Variants in FBLN5 observed in about 807,000 individuals in gnomAD.
FBLN5 encodes the protein fibulin 5.
Under a neutral mutation model 61.6 loss-of-function variants are expected in FBLN5, and 24 were observed. That is an observed-to-expected ratio of 0.39 (90% CI 0.28 to 0.55). The LOEUF (loss-of-function observed/expected upper bound fraction) is 0.55. FBLN5 is among the 20% of genes least tolerant of loss of function. FBLN5 has a pLI of 0.65. For missense variants in FBLN5, 470 were observed against 594.1 expected (o/e 0.79, Z 2.17); for synonymous variants, 213 against 219.8 (o/e 0.97, Z 0.27).
chr14:91,929,080 AACACACAC>A (rs113397883), intron 4 of FBLN5, among the ~76,000 whole-genome samples: 45,192 of 143,140 alleles, frequency 0.32, 7,272 homozygotes, highest in Middle Eastern at 0.46. Flanking sequence ...CCTGTCTCAA[AACACACAC>A]ACACACACAC....
rs751344551 is a variant in FBLN5, at chr14:91,947,306, G to C, written c.-77C>G. 116 of 1,566,542 alleles carry C rather than the reference G, an allele frequency of 7.4e-5. No individual in the cohort carries two copies. Among genetic ancestry groups the C allele is most frequent in the Non-Finnish European group, 9.8e-5 (111 of 1,137,730 alleles). On this transcript the variant is annotated 5_prime_UTR_variant, in exon 1 of 11. Coordinates refer to ENST00000342058, the MANE Select transcript of FBLN5 (RefSeq NM_006329.4). This position sits in a 1 kb window ranked among gnomAD's most constrained non-coding sequence, Gnocchi z 4.3. ...GGGACCCCCGGAGGAGCTCGGGCAC[G>C]TCGGCCTCCTCTGGGCCCTCGGGGC... is the stretch of plus-strand genomic sequence containing the variant.
At chr14:91,896,775 G>A (rs1890244121) in intron 4 of FBLN5, among the ~76,000 whole-genome samples, 1 of 152,136 alleles carries the variant, frequency 6.6e-6, no homozygotes, top group Non-Finnish European at 1.5e-5. Context: ...GCTTTTTACT[G>A]ACCCCACTCC....
At chr14:91,897,383 C>T (rs569479120) in intron 4 of FBLN5, among the ~76,000 whole-genome samples, 13 of 152,266 alleles carry the variant, frequency 8.5e-5, no homozygotes, top group Non-Finnish European at 1.8e-4. Context: ...TCGGCTGGTG[C>T]GTATTTACAT....
chr14:91,884,395 T>C (rs1566803114), intron 7 of FBLN5, among the ~76,000 whole-genome samples: 1 of 152,182 alleles, frequency 6.6e-6, no homozygotes, highest in Non-Finnish European at 1.5e-5. Context: ...ATTTCCAAGT[T>C]TGTAGATTCC....
intron 1 of FBLN5, chr14:91,946,866 T>C: frequency 2.7e-6 from 4 of 1,490,910 alleles, no homozygotes; most frequent in Non-Finnish European, 3.5e-6. Context: ...GAACTAGTAA[T>C]TGGCCTCCCG....
intron 5 of FBLN5, among the ~76,000 whole-genome samples, chr14:91,892,841 G>A (rs1198188647): frequency 1.3e-5 from 2 of 152,228 alleles, no homozygotes; most frequent in Non-Finnish European, 2.9e-5. Flanking sequence ...GAAAGGGAAA[G>A]GTGAGTTTAG....
intron 3 of FBLN5, chr14:91,938,472 C>T (rs1186920710): frequency 2.0e-5 from 3 of 150,820 alleles, no homozygotes; most frequent in Admixed American, 2.0e-4. Flanking sequence ...AAAACAAAAA[C>T]AAAAAAAAGA....
rs576800976 is a variant in FBLN5 at position 91,899,299 on chromosome 14, G to T, written c.380-4227C>A. 2.0e-5 allele frequency among the ~76,000 whole-genome samples: 3 copies of T among 152,328 alleles called. No individual in the cohort carries two copies. The East Asian group carries it at 5.8e-4, about 29-fold the overall frequency. The stretch of plus-strand genomic sequence containing the variant: ...TCCTGGCTGCTGTCACACCAGTCGG[G>T]TGCCTGGGCACTTGGAGGATTCTGC... On this transcript the variant is annotated intron_variant, in intron 4 of 10. Transcript: ENST00000342058.
At chr14:91,898,460 T>C (rs955942360) in intron 4 of FBLN5, among the ~76,000 whole-genome samples, 19 of 152,012 alleles carry the variant, frequency 1.2e-4, no homozygotes, top group Admixed American at 1.0e-3. Flanking sequence ...AAACTGGAAG[T>C]GTTCACACGG....
intron 4 of FBLN5, among the ~76,000 whole-genome samples, chr14:91,899,051 A>G (rs550101066): frequency 1.3e-5 from 2 of 151,788 alleles, no homozygotes; most frequent in African/African-American, 4.8e-5. Context: ...ATCTGCCCGC[A>G]TCGGCCTCCC....
Position 91,882,881 on chromosome 14 carries a change from A to C in FBLN5, c.862+73T>G. Reference sequence around the variant, plus strand: ...GCTGCACATGATTCCCCAGGTGAGGATATCCAGATGAGCCCCTGAAGCAGC... The same window carrying C: ...GCTGCACATGATTCCCCAGGTGAGGCTATCCAGATGAGCCCCTGAAGCAGC... On this transcript the variant is annotated intron_variant, in intron 8 of 10. Transcript: ENST00000342058. This position sits in a 1 kb window ranked among gnomAD's most constrained non-coding sequence, Gnocchi z 4.9. The C allele has an allele frequency of 6.4e-7, 1 of 1,556,156 alleles. No homozygotes were observed. The highest frequency in any genetic ancestry group is 8.8e-7 in the Non-Finnish European group (1 of 1,134,680).
At chr14:91,901,474 T>C (rs887599358) in intron 4 of FBLN5, among the ~76,000 whole-genome samples, 1 of 152,208 alleles carries the variant, frequency 6.6e-6, no homozygotes, top group Non-Finnish European at 1.5e-5. Context: ...CCCATTTTTG[T>C]TCCTTCCTTG....
chr14:91,924,757 A>G (rs2055798345), intron 4 of FBLN5, among the ~76,000 whole-genome samples: 1 of 152,170 alleles, frequency 6.6e-6, no homozygotes, highest in African/African-American at 2.4e-5. Flanking sequence ...TATCACAGCT[A>G]TGGAGTGTGA....
intron 4 of FBLN5, among the ~76,000 whole-genome samples, chr14:91,911,968 G>A (rs1890964865): frequency 6.6e-6 from 1 of 152,196 alleles, no homozygotes; most frequent in Non-Finnish European, 1.5e-5. Flanking sequence ...GCATTTAGGA[G>A]CACAATTATT....
At chr14:91,929,845 C>T (rs886879297) in intron 4 of FBLN5, among the ~76,000 whole-genome samples, 7 of 152,208 alleles carry the variant, frequency 4.6e-5, no homozygotes, top group East Asian at 3.8e-4. Flanking sequence ...ACCCTTGGGG[C>T]CCACCCCAGA....
chr14:91,897,257 C>T (rs769138968), intron 4 of FBLN5, among the ~76,000 whole-genome samples: 1 of 152,142 alleles, frequency 6.6e-6, no homozygotes, highest in South Asian at 2.1e-4. Flanking sequence ...GCCTCCCTTC[C>T]ATGCAGCTCT....
In FBLN5 at chr14:91,946,703, T is replaced by G. The variant is rs530323224; in HGVS notation, c.17+510A>C. On this transcript the variant is annotated intron_variant, in intron 1 of 10. Coordinates refer to ENST00000342058, the MANE Select transcript of FBLN5 (RefSeq NM_006329.4). ...ATTTCCTTAAAGAATAGCAAAACATTTGCTTACATGTATCTCTGTCTGCAG... is the reference window on the plus strand; with the variant it reads ...ATTTCCTTAAAGAATAGCAAAACATGTGCTTACATGTATCTCTGTCTGCAG... 2.8e-4 allele frequency: 429 copies of G among 1,533,918 alleles called. 2 individuals carry two copies. The South Asian group carries it at 4.8e-3, about 17-fold the overall frequency.
intron 6 of FBLN5, 152 bp downstream of exon 6, chr14:91,891,069 C>T (rs879250651): frequency 2.3e-5 from 16 of 701,632 alleles, no homozygotes; most frequent in South Asian, 6.1e-5. Context: ...TCAGGTCTCA[C>T]GTTTCTGTAG....
chr14:91,911,409 C>T (rs536790605), intron 4 of FBLN5, among the ~76,000 whole-genome samples: 1 of 152,282 alleles, frequency 6.6e-6, no homozygotes, highest in Non-Finnish European at 1.5e-5. Flanking sequence ...GTGAGAATCA[C>T]ACATAACTAA....
Sources: allele counts gnomAD v4.1 joint callset (sites outside exome capture counted in the v4.1 genomes callset), GRCh38; gene constraint gnomAD v4.1.1; non-coding constraint Gnocchi (gnomAD v3.1); transcripts MANE v1.5; gene names NCBI Gene and HGNC (gene_info 2026-07-23, HGNC 2026-07-21).